Variants in ERI1 observed in about 807,000 individuals in gnomAD.
ERI1 encodes the protein 3'-5' exoribonuclease 1.
ERI1 carries 39 observed loss-of-function variants against 39.7 expected under a neutral mutation model. The ratio of observed to expected loss-of-function variants is 0.98; its 90% CI spans 0.76 to 1.28. The LOEUF (loss-of-function observed/expected upper bound fraction) is 1.28. Among genes scored for constraint, ERI1 ranks in the 50% most tolerant of loss-of-function variants. The pLI, the probability that ERI1 is intolerant of heterozygous loss-of-function variation, is 0.00. For synonymous variants in ERI1, 204 were observed against 149.6 expected, an observed-to-expected ratio of 1.36 and a Z score of -2.65; for missense variants, 581 against 416.9, an observed-to-expected ratio of 1.39 and a Z score of -3.43.
chr8:9,095,909 A>C (rs1340727371), intron 3 of ERI1, among the ~76,000 whole-genome samples: 1 of 152,192 alleles, frequency 6.6e-6, no homozygotes, highest in East Asian at 1.9e-4. Context: ...GCCTCATTAA[A>C]GAAATGTTTC....
Position 9,008,021 on chromosome 8 carries a change from A to C in ERI1, c.160A>C (p.Ile54Leu), listed in dbSNP as rs1486976339. 6.3e-7 allele frequency: 1 copy of C among 1,599,530 alleles called. No individual in the cohort carries two copies. Among genetic ancestry groups the C allele is most frequent in the African/African-American group, 1.4e-5 (1 of 70,320 alleles). The change falls in exon 2 of 7, where the codon ATT becomes CTT. Residue 54 changes from isoleucine to leucine, a missense_variant. Coordinates refer to ENST00000250263, the MANE Select transcript of ERI1 (RefSeq NM_153332.4). The stretch of plus-strand genomic sequence containing the variant: ...CCAGGAGACAAAAGGATCCAAGTTC[A>C]TTACCTCCAGTGCGAGTGACTTCAG... ...DGQETKGSKFITSSASDFSDP... is the reference protein window; with the variant it reads ...DGQETKGSKFLTSSASDFSDP...
intron 3 of ERI1, among the ~76,000 whole-genome samples, chr8:9,095,114 T>C (rs1315613401): frequency 6.6e-6 from 1 of 152,192 alleles, no homozygotes; most frequent in Non-Finnish European, 1.5e-5. Context: ...TTCTTAGGAC[T>C]GGTGTGAAGA....
At chr8:9,054,442 T>A (rs905848598) in intron 3 of ERI1, among the ~76,000 whole-genome samples, 1 of 152,236 alleles carries the variant, frequency 6.6e-6, no homozygotes, top group Non-Finnish European at 1.5e-5. Flanking sequence ...AGAAAGGGGA[T>A]GATCCCTTTC....
chr8:9,068,686 G>A (rs981805128), intron 3 of ERI1, among the ~76,000 whole-genome samples: 1 of 152,056 alleles, frequency 6.6e-6, no homozygotes, highest in Admixed American at 6.5e-5. Context: ...CTTTATCTGT[G>A]TACATATGTA....
intron 3 of ERI1, among the ~76,000 whole-genome samples, chr8:9,063,458 TA>T (rs1798770227): frequency 6.6e-6 from 1 of 151,858 alleles, no homozygotes; most frequent in Admixed American, 6.6e-5. Flanking sequence ...GGGGAGGTGA[TA>T]AAAGGATTAT....
chr8:9,068,008 G>A (rs1427009965), intron 3 of ERI1, among the ~76,000 whole-genome samples: 3 of 151,954 alleles, frequency 2.0e-5, no homozygotes, highest in African/African-American at 7.3e-5. Flanking sequence ...CTTCCCCCAA[G>A]CAAGAAGTTT....
chr8:9,093,098 A>G (rs539457156), intron 3 of ERI1, among the ~76,000 whole-genome samples: 1 of 152,234 alleles, frequency 6.6e-6, no homozygotes, highest in Admixed American at 6.5e-5. Context: ...CCACCCTATT[A>G]CCTCATTTTA....
At chr8:9,070,228 C>T (rs190604146) in intron 3 of ERI1, among the ~76,000 whole-genome samples, 67 of 150,584 alleles carry the variant, frequency 4.4e-4, no homozygotes, top group South Asian at 8.3e-4. Context: ...GAGAGTGAGA[C>T]GCTGTCTCAA....
intron 3 of ERI1, among the ~76,000 whole-genome samples, chr8:9,075,326 T>C (rs1358339016): frequency 6.6e-6 from 1 of 152,082 alleles, no homozygotes; most frequent in African/African-American, 2.4e-5. Flanking sequence ...TTATATACTA[T>C]GAGGAAATGA....
intron 3 of ERI1, among the ~76,000 whole-genome samples, chr8:9,061,753 C>G (rs1168889514): frequency 1.3e-5 from 2 of 151,878 alleles, no homozygotes; most frequent in African/African-American, 2.4e-5. Flanking sequence ...AGATAGGTAA[C>G]AGATGAGGAA....
chr8:9,082,000 G>A (rs760464795), intron 3 of ERI1, among the ~76,000 whole-genome samples: 10 of 152,058 alleles, frequency 6.6e-5, no homozygotes, highest in Non-Finnish European at 1.5e-4. Context: ...AGTCCATCTG[G>A]ACCCTGCAGC....
At chr8:9,004,913 C>G (rs1310761095) in intron 1 of ERI1, among the ~76,000 whole-genome samples, 1 of 152,074 alleles carries the variant, frequency 6.6e-6, no homozygotes, top group Non-Finnish European at 1.5e-5. Flanking sequence ...GTCTGGAACT[C>G]CTGACCTCAG....
intron 6 of ERI1, among the ~76,000 whole-genome samples, chr8:9,027,715 C>G (rs1300797092): frequency 6.6e-6 from 1 of 152,188 alleles, no homozygotes; most frequent in African/African-American, 2.4e-5. Flanking sequence ...GTTTTCCCAA[C>G]ACCGTTTGTT....
intron 3 of ERI1, among the ~76,000 whole-genome samples, chr8:9,094,819 T>C (rs1799824015): frequency 2.0e-5 from 3 of 152,138 alleles, no homozygotes; most frequent in Admixed American, 2.0e-4. Context: ...ATTTAAAGAC[T>C]CAGACAAATA....
chr8:9,048,276 G>T (rs201651284), intron 3 of ERI1, among the ~76,000 whole-genome samples: 2 of 151,804 alleles, frequency 1.3e-5, no homozygotes, highest in African/African-American at 4.8e-5. Context: ...ATAGGGATTT[G>T]TTTTTTTTAA....
chr8:9,034,979 A>G (rs1051487373), downstream of ERI1, among the ~76,000 whole-genome samples: 1 of 152,222 alleles, frequency 6.6e-6, no homozygotes, highest in Non-Finnish European at 1.5e-5. Flanking sequence ...AAACTGCAAC[A>G]TTTCCTTAAG....
downstream of ERI1, among the ~76,000 whole-genome samples, chr8:9,037,323 C>G (rs927518633): frequency 1.3e-5 from 2 of 152,174 alleles, no homozygotes; most frequent in African/African-American, 4.8e-5. Context: ...AGGAAGTTAG[C>G]CCATCAGTCT....
intron 3 of ERI1, among the ~76,000 whole-genome samples, chr8:9,072,979 C>G (rs1385197798): frequency 6.6e-6 from 1 of 152,242 alleles, no homozygotes; most frequent in African/African-American, 2.4e-5. Context: ...TCTAGCTGCT[C>G]ACTGTATTTT....
chr8:9,040,830 A>G (rs1203859277), intron 3 of ERI1, among the ~76,000 whole-genome samples: 2 of 152,114 alleles, frequency 1.3e-5, no homozygotes. Context: ...AGAGTGGAGC[A>G]CAAACCTGCC....
Sources: allele counts gnomAD v4.1 joint callset (sites outside exome capture counted in the v4.1 genomes callset), GRCh38; gene constraint gnomAD v4.1.1; transcripts MANE v1.5; gene names NCBI Gene and HGNC (gene_info 2026-07-23, HGNC 2026-07-21).